Variants in LDLRAD4 observed in about 807,000 individuals in gnomAD.
The protein encoded by LDLRAD4 is low density lipoprotein receptor class A domain containing 4.
A neutral mutation model predicts 17.0 loss-of-function variants in LDLRAD4; 5 were observed. The ratio of observed to expected loss-of-function variants is 0.29; its 90% CI spans 0.15 to 0.62. LDLRAD4 has a LOEUF of 0.62. Ranked by LOEUF, LDLRAD4 falls within the 20% of genes least tolerant of loss-of-function variation. The pLI, the probability that LDLRAD4 is intolerant of heterozygous loss-of-function variation, is 0.84. For synonymous variants in LDLRAD4, 168 were observed against 171.8 expected (o/e 0.98, Z 0.17); for missense variants, 340 against 424.7 (o/e 0.80, Z 1.75).
intron 1 of LDLRAD4, among the ~76,000 whole-genome samples, chr18:13,380,640 A>T (rs911032530): frequency 6.6e-6 from 1 of 152,260 alleles, no homozygotes; most frequent in African/African-American, 2.4e-5. Context: ...CTTGGTTTGA[A>T]TATAGCCTCA....
At chr18:13,389,082 C>T (rs2086056773) in intron 2 of LDLRAD4, among the ~76,000 whole-genome samples, 1 of 152,244 alleles carries the variant, frequency 6.6e-6, no homozygotes, top group Non-Finnish European at 1.5e-5. Flanking sequence ...TGGATGAACT[C>T]TGCAGCTGTG....
rs2044308439 is a variant in LDLRAD4, at chr18:13,267,877, A to G, written c.-466-10228A>G. The stretch of plus-strand genomic sequence containing the variant: ...GACTTAAGGTAACATGGGCAGACCA[A>G]TGCATTGTTTCTTTTTCTTTTAAAA... On this transcript the variant is annotated intron_variant, in intron 1 of 5. Coordinates refer to the LDLRAD4 transcript ENST00000399848. Among the ~76,000 whole-genome samples, 5 of 152,320 alleles carry G rather than the reference A, an allele frequency of 3.3e-5. No homozygotes were observed. In the East Asian group the frequency reaches 9.6e-4, roughly 29 times the overall value.
At chr18:13,607,470 G>GT (rs35363319) in intron 3 of LDLRAD4, among the ~76,000 whole-genome samples, 12,817 of 152,198 alleles carry the variant, frequency 0.084, 1,064 homozygotes, top group East Asian at 0.37. Flanking sequence ...TACATGTGCT[G>GT]TATGTGCAGG....
chr18:13,432,961 C>T (rs2090438656), intron 2 of LDLRAD4, among the ~76,000 whole-genome samples: 1 of 152,238 alleles, frequency 6.6e-6, no homozygotes, highest in South Asian at 2.1e-4. Flanking sequence ...AAGCTATCCT[C>T]CTGTCTTGGT....
intron 3 of LDLRAD4, chr18:13,612,657 T>TG (rs745447801): frequency 9.7e-5 from 156 of 1,612,076 alleles, no homozygotes; most frequent in Middle Eastern, 1.7e-4. Context: ...GCTTTGAACG[T>TG]GGGGGGGCTG....
intron 3 of LDLRAD4, among the ~76,000 whole-genome samples, chr18:13,450,831 G>A (rs973552332): frequency 2.6e-5 from 4 of 152,176 alleles, no homozygotes; most frequent in Non-Finnish European, 5.9e-5. Context: ...GAGTGTCGTG[G>A]GGAGACGCCT....
chr18:13,453,791 T>C (rs1458342124), intron 3 of LDLRAD4, among the ~76,000 whole-genome samples: 1 of 152,164 alleles, frequency 6.6e-6, no homozygotes, highest in Non-Finnish European at 1.5e-5. Context: ...TGCCCCTCAT[T>C]ACCTCCCAGC....
intron 1 of LDLRAD4, among the ~76,000 whole-genome samples, chr18:13,381,501 GAGTCACCACGGGTACC>G (rs2085362877): frequency 6.6e-6 from 1 of 152,228 alleles, no homozygotes; most frequent in Non-Finnish European, 1.5e-5. Context: ...CCAGGGCCGG[GAGTCACCACGGGTACC>G]AGAAGCAGAG....
intron 3 of LDLRAD4, among the ~76,000 whole-genome samples, chr18:13,532,081 G>A (rs2094137227): frequency 6.6e-6 from 1 of 152,174 alleles, no homozygotes; most frequent in Admixed American, 6.5e-5. Flanking sequence ...TCCATGCAGG[G>A]TGATGGGCAG....
chr18:13,492,170 T>A (rs2093371765), intron 3 of LDLRAD4, among the ~76,000 whole-genome samples: 1 of 152,006 alleles, frequency 6.6e-6, no homozygotes, highest in Admixed American at 6.6e-5. Context: ...GCCACGCTCT[T>A]GTCCCCAGAA....
At chr18:13,337,664 G>A (rs1480588479) in intron 1 of LDLRAD4, among the ~76,000 whole-genome samples, 1 of 151,354 alleles carries the variant, frequency 6.6e-6, no homozygotes, top group East Asian at 1.9e-4. Flanking sequence ...GGGAGGCCAA[G>A]GTGGTACGGT....
chr18:13,254,220 C>T (rs901122969), intron 1 of LDLRAD4, among the ~76,000 whole-genome samples: 16 of 152,194 alleles, frequency 1.1e-4, no homozygotes, highest in African/African-American at 3.9e-4. Context: ...GGGCACAGCC[C>T]GAGGCCCAGG....
At chr18:13,640,034 C>G (rs2042393188) in intron 4 of LDLRAD4, among the ~76,000 whole-genome samples, 1 of 152,118 alleles carries the variant, frequency 6.6e-6, no homozygotes, top group Admixed American at 6.6e-5. Context: ...CGCCTGTAAT[C>G]CCAGCACTTT....
At position 13,415,760 on chromosome 18, in the gene LDLRAD4, G is replaced by A. The variant is rs1009504089; in HGVS notation, c.41-22484G>A. Among the ~76,000 whole-genome samples the A allele has an allele frequency of 2.0e-5, 3 of 152,170 alleles. 1 individual carries two copies. Among genetic ancestry groups the A allele is most frequent in the African/African-American group, 7.2e-5 (3 of 41,452 alleles). ...TCCAGTTCTCCAAGGAAAAGCCAGG[G>A]CCTGGAGCCAGGGCCACGCTGCCCG... On this transcript the variant is annotated intron_variant, in intron 2 of 5. Coordinates refer to ENST00000359446, the Ensembl canonical transcript of LDLRAD4.
At chr18:13,577,942 T>G (rs1280676710) in intron 3 of LDLRAD4, among the ~76,000 whole-genome samples, 1 of 152,146 alleles carries the variant, frequency 6.6e-6, no homozygotes, top group African/African-American at 2.4e-5. Context: ...TCAGCTCTGA[T>G]TATTATGTTT....
chr18:13,406,643 G>A (rs2145617401), intron 2 of LDLRAD4, among the ~76,000 whole-genome samples: 1 of 152,338 alleles, frequency 6.6e-6, no homozygotes, highest in African/African-American at 2.4e-5. Context: ...GGGAGCTACA[G>A]TGGGAGTGGG....
intron 3 of LDLRAD4, among the ~76,000 whole-genome samples, chr18:13,576,525 T>C (rs35376318): frequency 0.021 from 3,206 of 152,228 alleles, 71 homozygotes; most frequent in Admixed American, 0.07. Context: ...CCAGCTCACA[T>C]TGTGACTTTT....
At chr18:13,235,638 C>G (rs963933131) in intron 1 of LDLRAD4, among the ~76,000 whole-genome samples, 2 of 152,238 alleles carry the variant, frequency 1.3e-5, no homozygotes, top group African/African-American at 4.8e-5. Flanking sequence ...CAAATTCATT[C>G]CTATTGATGG....
chr18:13,598,974 C>CATG (rs2095127758), intron 3 of LDLRAD4, among the ~76,000 whole-genome samples: 1 of 152,200 alleles, frequency 6.6e-6, no homozygotes, highest in Admixed American at 6.5e-5. Context: ...CAGTTGGGAC[C>CATG]ATGCTATCAT....
Sources: gnomAD v4.1 joint callset for allele counts (sites outside exome capture counted in the v4.1 genomes callset) on GRCh38, gnomAD v4.1.1 for gene constraint, MANE v1.5 for transcripts, NCBI Gene and HGNC (gene_info 2026-07-23, HGNC 2026-07-21) for gene names.